Variants in RECK observed in about 807,000 individuals in gnomAD.
RECK encodes reversion inducing cysteine rich protein with kazal motifs, also known as reversion-inducing cysteine-rich protein with Kazal motifs.
A neutral mutation model predicts 115.1 loss-of-function variants in RECK; 69 were observed. That is an observed-to-expected ratio of 0.60 (90% CI 0.49 to 0.73). The LOEUF (loss-of-function observed/expected upper bound fraction) is 0.73, where lower values mean the gene tolerates loss of function less well. Ranked by LOEUF, RECK falls within the 30% of genes least tolerant of loss-of-function variation. The pLI, the probability that RECK is intolerant of heterozygous loss-of-function variation, is 0.00. For synonymous variants in RECK, 414 were observed against 419.7 expected (o/e 0.99, Z 0.17); for missense variants, 1,047 against 1,203.7 (o/e 0.87, Z 1.93).
rs2132536400 is a variant in RECK, at chr9:36,036,985, C to T, written c.-14C>T. 6 of 1,416,380 alleles carry T rather than the reference C, an allele frequency of 4.2e-6. No homozygotes were observed. The highest frequency in any genetic ancestry group is 4.6e-6 in the Non-Finnish European group (5 of 1,083,132). 87.7% of individuals were successfully genotyped at this position (1,416,380 alleles called of 1,614,324 possible). On this transcript the variant is annotated 5_prime_UTR_variant, in exon 1 of 21. Coordinates refer to ENST00000377966, the MANE Select transcript of RECK (RefSeq NM_021111.3). ...TCCGAGCATCCCGCGGCTCTGGAGC[C>T]GCCCGGCCCGGACATGGCGACCGTC...
intron 10 of RECK, among the ~76,000 whole-genome samples, chr9:36,092,360 G>C (rs1588318729): frequency 6.6e-6 from 1 of 151,664 alleles, no homozygotes; most frequent in Non-Finnish European, 1.5e-5. Context: ...AAAAGCAGGA[G>C]GGTCTACATC....
chr9:36,048,515 A>G (rs78726265), intron 1 of RECK, among the ~76,000 whole-genome samples: 3,193 of 152,208 alleles, frequency 0.021, 122 homozygotes, highest in African/African-American at 0.073. Context: ...TCAGGCCTCT[A>G]TAATTTCAAC....
Position 36,109,212 on chromosome 9 carries a change from C to T in RECK, c.1766-745C>T, listed in dbSNP as rs114095670. 2.9e-3 allele frequency among the ~76,000 whole-genome samples: 435 copies of T among 152,214 alleles called. 1 individual carries two copies. Among genetic ancestry groups the T allele is most frequent in the African/African-American group, 0.01 (422 of 41,520 alleles). ...TTCTGTACAAAAGAGCATACTAGTG[C>T]CTTATGGAGCTGAAACCGGGACGGG... On this transcript the variant is annotated intron_variant, in intron 14 of 20. Transcript: ENST00000377966.
chr9:36,073,227 CACAGACACACACAG>C lies in RECK; in HGVS notation c.406-7374_406-7361del, dbSNP rs1271740030. 2.3e-4 allele frequency among the ~76,000 whole-genome samples: 24 copies of C among 103,598 alleles called. No individual in the cohort carries two copies. The South Asian group carries it at 6.1e-3, about 26-fold the overall frequency. 68.0% of individuals were successfully genotyped at this position (103,598 alleles called of 152,430 possible). On this transcript the variant is annotated intron_variant, in intron 6 of 20. Coordinates refer to ENST00000377966, the MANE Select transcript of RECK (RefSeq NM_021111.3). ...CCCTAAACAGCAACACACAGACACACACAGACACACACAGACACACACACACACACACACACACA... is the reference window on the plus strand; with the variant it reads ...CCCTAAACAGCAACACACAGACACACACACACACACACACACACACACACA...
chr9:36,050,487 A>G (rs868809036), intron 1 of RECK, among the ~76,000 whole-genome samples: 1 of 152,194 alleles, frequency 6.6e-6, no homozygotes, highest in Non-Finnish European at 1.5e-5. Flanking sequence ...TGAAGACACT[A>G]CAGTCTCTTA....
In RECK at chr9:36,118,894, C is replaced by T; in HGVS notation, c.2391C>T (p.Ser797=). The change falls in exon 18 of 21, where the codon AGC becomes AGT. Residue 797 remains serine (S), a synonymous_variant. Transcript: ENST00000377966. ...CQAVGVLSEH[S]SVAECASVKC... is the part of the protein sequence containing the mutation. ...CCGTCGGAGTCCTCTCAGAGCACAG[C>T]TCCGTCGCCGAGTGTGCTTCTGTCA... The T allele has an allele frequency of 6.2e-7, 1 of 1,613,854 alleles. No individual in the cohort carries two copies. The highest frequency in any genetic ancestry group is 8.5e-7 in the Non-Finnish European group (1 of 1,180,022).
intron 3 of RECK, 28 bp downstream of exon 3, chr9:36,058,929 A>G (rs755147450): frequency 2.1e-6 from 3 of 1,422,616 alleles, no homozygotes. Context: ...TTAACTGTAG[A>G]AGCTTCTGTC....
At chr9:36,058,805 C>CTTT (rs398113450) in intron 2 of RECK, 22 bp from the exon 3 acceptor site, 30 of 1,235,120 alleles carry the variant, frequency 2.4e-5, no homozygotes, top group Admixed American at 1.4e-4. Flanking sequence ...GCCACAAAAA[C>CTTT]TTTTTTTTTT....
rs1262473120 is a variant in RECK at position 36,105,191 on chromosome 9, A to T, written c.1484A>T (p.Asn495Ile). Residue 495 changes from asparagine (N) to isoleucine (I), a missense_variant, in exon 13 of 21, where the codon AAC becomes ATC. Transcript: ENST00000377966. Reference sequence around the variant, plus strand: ...GTAGAAGAAGTGACTCATCCCTGTAACCCAAATCCTTGCCCTGCCAATGAG... The same window carrying T: ...GTAGAAGAAGTGACTCATCCCTGTATCCCAAATCCTTGCCCTGCCAATGAG... ...NIVEEVTHPCNPNPCPANELC... is the reference protein window; with the variant it reads ...NIVEEVTHPCIPNPCPANELC... 6.2e-7 allele frequency: 1 copy of T among 1,614,070 alleles called. No homozygotes were observed. The highest frequency in any genetic ancestry group is 8.5e-7 in the Non-Finnish European group (1 of 1,179,978).
chr9:36,075,403 T>C (rs1822412038), intron 6 of RECK, among the ~76,000 whole-genome samples: 1 of 152,182 alleles, frequency 6.6e-6, no homozygotes, highest in African/African-American at 2.4e-5. Context: ...CCTATAAAGC[T>C]CATTTCTGTT....
In RECK at chr9:36,043,038, T is replaced by TTTG. The variant is rs1554700751; in HGVS notation, c.100+5944_100+5946dup. On this transcript the variant is annotated intron_variant, in intron 1 of 20. Transcript: ENST00000377966. ...TTTTTTTTTTTTTTTTTTTTTTTTT[T>TTTG]TTGTTGAGACGGAGTCTCGCTCTGT... 2.1e-3 allele frequency among the ~76,000 whole-genome samples: 272 copies of TTTG among 130,978 alleles called. 5 individuals are homozygous for TTTG. Among genetic ancestry groups the TTTG allele is most frequent in the African/African-American group, 7.8e-3 (260 of 33,364 alleles). The allele number at this position is 130,978 out of a possible 152,430, so 85.9% of individuals were successfully genotyped here. A position where few individuals can be genotyped will look rare whatever the true frequency, so the allele number is the denominator to read the frequency against.
chr9:36,118,953 C>T lies in RECK; in HGVS notation c.2450C>T (p.Pro817Leu). The T allele has an allele frequency of 6.2e-7, 1 of 1,612,384 alleles. No homozygotes were observed. Among genetic ancestry groups the T allele is most frequent in the Non-Finnish European group, 8.5e-7 (1 of 1,179,856 alleles). ...CPSLLAAGCKPIIPPGACCPL... is the reference protein window; with the variant it reads ...CPSLLAAGCKLIIPPGACCPL... ...TCGCTCTTGGCAGCTGGATGCAAAC[C>T]CATCATCCCACCGGGTAGGCTGGCA... is the stretch of plus-strand genomic sequence containing the variant. Residue 817 changes from proline to leucine, a missense_variant, in exon 18 of 21, where the codon CCC becomes CTC. Coordinates refer to ENST00000377966, the MANE Select transcript of RECK (RefSeq NM_021111.3).
intron 12 of RECK, among the ~76,000 whole-genome samples, chr9:36,103,649 A>G (rs1205362045): frequency 1.3e-5 from 2 of 150,982 alleles, no homozygotes; most frequent in Non-Finnish European, 3.0e-5. Flanking sequence ...TGTAGCTGGT[A>G]GATTTGTAGC....
At chr9:36,092,025 A>G (rs1823177215) in intron 10 of RECK, among the ~76,000 whole-genome samples, 1 of 152,246 alleles carries the variant, frequency 6.6e-6, no homozygotes, top group African/African-American at 2.4e-5. Context: ...TTGGGCCAGA[A>G]GGAAGTTCTA....
Position 36,091,280 on chromosome 9 carries a change from A to G in RECK, c.1022A>G (p.Asp341Gly). ...VEVSMLTCLA[D>G]VREPCQLGCR... The stretch of plus-strand genomic sequence containing the variant: ...GTGTCCATGTTGACCTGTTTAGCGG[A>G]TGTCCGGGAACCTTGCCAGTTGGGC... Residue 341 changes from aspartate to glycine, a missense_variant, in exon 10 of 21, where the codon GAT (aspartate) becomes GGT (glycine). By Grantham distance (94) the Asp-to-Gly change is moderately conservative. Transcript: ENST00000377966. The G allele has an allele frequency of 1.2e-6, 2 of 1,609,926 alleles. No individual in the cohort carries two copies. The highest frequency in any genetic ancestry group is 1.7e-6 in the Non-Finnish European group (2 of 1,178,540).
Position 36,106,167 on chromosome 9 carries a change from G to A in RECK, c.1576+884G>A, listed in dbSNP as rs1221756652. ...GGAGCTTGCAGTGAGCCAAGATCGC[G>A]CCACTGCACTCCAGCCTGCCGGACA... is the stretch of plus-strand genomic sequence containing the variant. On this transcript the variant is annotated intron_variant, in intron 13 of 20. Coordinates refer to ENST00000377966, the MANE Select transcript of RECK (RefSeq NM_021111.3). Among the ~76,000 whole-genome samples, 8 of 139,028 alleles carry A rather than the reference G, an allele frequency of 5.8e-5. No individual in the cohort carries two copies. The East Asian group carries it at 1.5e-3, about 26-fold the overall frequency. The allele number at this position is 139,028 out of a possible 152,430, so 91.2% of individuals were successfully genotyped here.
At chr9:36,060,246 A>G in intron 4 of RECK, 91 bp downstream of exon 4, 4 of 1,301,862 alleles carry the variant, frequency 3.1e-6, no homozygotes, top group Non-Finnish European at 3.3e-6. Context: ...AACCTAATTT[A>G]TACTCTGGAG....
chr9:36,058,970 G>A, intron 3 of RECK, 69 bp downstream of exon 3: 1 of 1,080,938 alleles, frequency 9.3e-7, no homozygotes, highest in East Asian at 2.9e-5. Flanking sequence ...ATTACTTTCA[G>A]AGTTAGCAAA....
intron 1 of RECK, among the ~76,000 whole-genome samples, chr9:36,042,652 T>C (rs1463490788): frequency 6.6e-6 from 1 of 151,652 alleles, no homozygotes; most frequent in South Asian, 2.1e-4. Context: ...CGTGTGCAAG[T>C]GTCTTTTTCA....
Sources: allele counts gnomAD v4.1 joint callset (sites outside exome capture counted in the v4.1 genomes callset), GRCh38; gene constraint gnomAD v4.1.1; transcripts MANE v1.5; gene names NCBI Gene and HGNC (gene_info 2026-07-23, HGNC 2026-07-21).